Variants in SH3PXD2A observed in about 807,000 individuals in gnomAD.
SH3PXD2A encodes SH3 and PX domains 2A.
A neutral mutation model predicts 115.2 loss-of-function variants in SH3PXD2A; 32 were observed. The ratio of observed to expected loss-of-function variants is 0.28; its 90% CI spans 0.21 to 0.37. The LOEUF is 0.37. Ranked by LOEUF, SH3PXD2A falls within the 10% of genes least tolerant of loss-of-function variation. The pLI is 1.00. For synonymous variants in SH3PXD2A, 610 were observed against 629.1 expected, an observed-to-expected ratio of 0.97 and a Z score of 0.45; for missense variants, 1,328 against 1,498.7, an observed-to-expected ratio of 0.89 and a Z score of 1.88.
At chr10:103,691,102 C>G (rs1179498074) in intron 6 of SH3PXD2A, among the ~76,000 whole-genome samples, 4 of 151,606 alleles carry the variant, frequency 2.6e-5, no homozygotes. Flanking sequence ...GTTATTTGTT[C>G]CAGCTCTTGC....
chr10:103,615,803 G>A (rs1270425021), intron 11 of SH3PXD2A, among the ~76,000 whole-genome samples: 2 of 152,044 alleles, frequency 1.3e-5, no homozygotes, highest in Non-Finnish European at 2.9e-5. Flanking sequence ...AGGCAAGTGA[G>A]CTAGGCCACC....
Position 103,594,689 on chromosome 10 carries a change from G to C in SH3PXD2A, c.*7127C>G, listed in dbSNP as rs2036109693. 6.6e-6 allele frequency: 1 copy of C among 152,236 alleles called. No individual in the cohort carries two copies. The highest frequency in any genetic ancestry group is 6.5e-5 in the Admixed American group (1 of 15,278). 9.4% of individuals were successfully genotyped at this position (152,236 alleles called of 1,614,324 possible). On this transcript the variant is annotated 3_prime_UTR_variant, in exon 15 of 15. Transcript: ENST00000369774. Reference sequence around the variant, plus strand: ...ATGAGTTGTAAATTCAAGGAGGGTGGCTGTTTTGCTGTTCTTTCTCTGCAG... The same window carrying C: ...ATGAGTTGTAAATTCAAGGAGGGTGCCTGTTTTGCTGTTCTTTCTCTGCAG...
At chr10:103,616,359 C>CA (rs1592264203) in intron 11 of SH3PXD2A, among the ~76,000 whole-genome samples, 2 of 152,282 alleles carry the variant, frequency 1.3e-5, no homozygotes, top group East Asian at 3.9e-4. Flanking sequence ...AGAAGGTGGG[C>CA]AAAGTCATCA....
chr10:103,848,057 G>C (rs1842864552), intron 1 of SH3PXD2A, among the ~76,000 whole-genome samples: 1 of 152,162 alleles, frequency 6.6e-6, no homozygotes, highest in South Asian at 2.1e-4. Flanking sequence ...GTGAGGTATT[G>C]GCCCCCAGAA....
intron 5 of SH3PXD2A, among the ~76,000 whole-genome samples, chr10:103,714,892 G>A (rs1251495172): frequency 6.6e-6 from 1 of 152,206 alleles, no homozygotes; most frequent in Non-Finnish European, 1.5e-5. Context: ...ATGTGTGGGT[G>A]GACTTTCTAC....
intron 6 of SH3PXD2A, among the ~76,000 whole-genome samples, chr10:103,669,829 G>A (rs1385224660): frequency 6.6e-6 from 1 of 152,280 alleles, no homozygotes; most frequent in East Asian, 1.9e-4. Context: ...CATTCAGAGA[G>A]TACTGATAAA....
chr10:103,835,428 T>C (rs955809429), intron 1 of SH3PXD2A, among the ~76,000 whole-genome samples: 7 of 152,230 alleles, frequency 4.6e-5, no homozygotes, highest in African/African-American at 1.7e-4. Flanking sequence ...TGCCATTCCC[T>C]TATTCGAAGT....
At chr10:103,733,090 G>T (rs568164107) in intron 4 of SH3PXD2A, among the ~76,000 whole-genome samples, 1 of 151,076 alleles carries the variant, frequency 6.6e-6, no homozygotes, top group Non-Finnish European at 1.5e-5. Context: ...GTAAATCACC[G>T]CCTGTGAGAT....
Position 103,598,896 on chromosome 10 carries a change from G to A in SH3PXD2A, c.*2920C>T. On this transcript the variant is annotated 3_prime_UTR_variant, in exon 15 of 15. Coordinates refer to ENST00000369774, the MANE Select transcript of SH3PXD2A (RefSeq NM_001394015.1). ...TGCAGGGTTTGTGCTGTGAGTTAGGGGGTGAGGGGGCGAGGTGCGAAGACT... is the reference window on the plus strand; with the variant it reads ...TGCAGGGTTTGTGCTGTGAGTTAGGAGGTGAGGGGGCGAGGTGCGAAGACT... The A allele has an allele frequency of 6.5e-6, 1 of 152,688 alleles. No homozygotes were observed. Among genetic ancestry groups the A allele is most frequent in the East Asian group, 1.9e-4 (1 of 5,168 alleles). 9.5% of individuals were successfully genotyped at this position (152,688 alleles called of 1,614,324 possible).
intron 3 of SH3PXD2A, among the ~76,000 whole-genome samples, chr10:103,766,485 A>G (rs2038755736): frequency 6.6e-6 from 1 of 152,172 alleles, no homozygotes; most frequent in Non-Finnish European, 1.5e-5. Context: ...ATTATAGTAC[A>G]CACCTCGGTA....
chr10:103,776,751 T>G (rs1438420374), intron 2 of SH3PXD2A, among the ~76,000 whole-genome samples: 1 of 152,190 alleles, frequency 6.6e-6, no homozygotes, highest in Non-Finnish European at 1.5e-5. Context: ...TGTGTCTGTC[T>G]AAATTTCCCC....
intron 1 of SH3PXD2A, among the ~76,000 whole-genome samples, chr10:103,803,502 T>C (rs2134267041): frequency 6.6e-6 from 1 of 152,286 alleles, no homozygotes; most frequent in South Asian, 2.1e-4. Flanking sequence ...CCCAATAAGG[T>C]AGCTACCACT....
chr10:103,612,264 A>T (rs2036439319), intron 12 of SH3PXD2A, among the ~76,000 whole-genome samples: 1 of 152,214 alleles, frequency 6.6e-6, no homozygotes, highest in African/African-American at 2.4e-5. Context: ...TGATTCTTGA[A>T]GAACGCCCTG....
intron 6 of SH3PXD2A, among the ~76,000 whole-genome samples, chr10:103,690,194 G>A (rs895662235): frequency 6.6e-6 from 1 of 152,106 alleles, no homozygotes; most frequent in Admixed American, 6.5e-5. Context: ...AAATGTCCTC[G>A]CACATAGTAG....
intron 8 of SH3PXD2A, among the ~76,000 whole-genome samples, chr10:103,654,936 A>G (rs1336298293): frequency 6.7e-6 from 1 of 150,358 alleles, no homozygotes; most frequent in Non-Finnish European, 1.5e-5. Flanking sequence ...CATAATCTTG[A>G]TCCTGGAGTG....
At chr10:103,686,747 T>TA (rs1313934766) in intron 6 of SH3PXD2A, among the ~76,000 whole-genome samples, 26 of 143,454 alleles carry the variant, frequency 1.8e-4, no homozygotes, top group Admixed American at 1.5e-3. Context: ...GCTGGGGAAT[T>TA]TTTTTTTTTT....
At chr10:103,668,175 T>C (rs890244540) in intron 7 of SH3PXD2A, among the ~76,000 whole-genome samples, 5 of 152,228 alleles carry the variant, frequency 3.3e-5, no homozygotes, top group Non-Finnish European at 5.9e-5. Context: ...TGAACCATCT[T>C]TGGCTGGGCT....
chr10:103,728,244 A>G (rs1467522117), intron 4 of SH3PXD2A, among the ~76,000 whole-genome samples: 1 of 152,158 alleles, frequency 6.6e-6, no homozygotes, highest in Non-Finnish European at 1.5e-5. Context: ...CTGGGATGTG[A>G]CGTGGCACCT....
Position 103,771,038 on chromosome 10 carries a change from T to C in SH3PXD2A, c.154-3869A>G, listed in dbSNP as rs140913884. Among the ~76,000 whole-genome samples the C allele has an allele frequency of 6.6e-5, 10 of 152,272 alleles. No homozygotes were observed. In the East Asian group the frequency reaches 1.9e-3, roughly 29 times the overall value. On this transcript the variant is annotated intron_variant, in intron 2 of 14. Transcript: ENST00000369774. ...TTGGGGCCTCTGAGAAATGACTCCATAGGTTTCTGATGAAGAGGTACAGAG... is the reference window on the plus strand; with the variant it reads ...TTGGGGCCTCTGAGAAATGACTCCACAGGTTTCTGATGAAGAGGTACAGAG...
Sources: allele counts gnomAD v4.1 joint callset (sites outside exome capture counted in the v4.1 genomes callset), GRCh38; gene constraint gnomAD v4.1.1; transcripts MANE v1.5; gene names NCBI Gene and HGNC (gene_info 2026-07-23, HGNC 2026-07-21).